OVCH1: variants seen among roughly 807,000 people sequenced by gnomAD.
OVCH1 encodes ovochymase 1.
Under a neutral mutation model 138.4 loss-of-function variants are expected in OVCH1, and 139 were observed. The ratio of observed to expected loss-of-function variants is 1.00; its 90% CI spans 0.87 to 1.16. The LOEUF is 1.16. Ranked by LOEUF, OVCH1 falls within the 50% of genes most tolerant of loss-of-function variation. OVCH1 has a pLI of 0.00. For missense variants in OVCH1, 1,367 were observed against 1,357.9 expected (o/e 1.01, Z -0.11); for synonymous variants, 453 against 467.8 (o/e 0.97, Z 0.41).
chr12:29,487,791 C>T, exon 7 of OVCH1: 1 of 1,606,390 alleles, frequency 6.2e-7, no homozygotes, highest in South Asian at 1.1e-5. Context: ...GGGAACTGAA[C>T]CTCCAGCACA....
intron 3 of OVCH1, among the ~76,000 whole-genome samples, chr12:29,421,481 A>G (rs1379679452): frequency 6.6e-6 from 1 of 152,174 alleles, no homozygotes; most frequent in African/African-American, 2.4e-5. Context: ...TAAAATATTA[A>G]TATATGCATC....
intron 4 of OVCH1, among the ~76,000 whole-genome samples, chr12:29,494,852 G>A (rs1206197965): frequency 2.0e-5 from 3 of 152,190 alleles, no homozygotes; most frequent in African/African-American, 4.8e-5. Context: ...GTTGATTAAC[G>A]GATACAAATA....
At chr12:29,476,117 T>C (rs1942701805) in intron 13 of OVCH1, 89 bp downstream of exon 13, 1 of 1,017,442 alleles carries the variant, frequency 9.8e-7, no homozygotes, top group Non-Finnish European at 1.6e-6. Flanking sequence ...ATTCCCACTC[T>C]ACGTTCTGGT....
Position 29,465,033 on chromosome 12 carries a change from G to A in OVCH1, c.1929+114C>T, listed in dbSNP as rs902111271. The A allele has an allele frequency of 1.2e-5, 11 of 888,666 alleles. No homozygotes were observed. In the African/African-American group the frequency reaches 1.9e-4, roughly 15 times the overall value. 55.0% of individuals were successfully genotyped at this position (888,666 alleles called of 1,614,324 possible). A position where few individuals can be genotyped will look rare whatever the true frequency, so the allele number is the denominator to read the frequency against. On this transcript the variant is annotated intron_variant, in intron 17 of 27. Coordinates refer to ENST00000318184, the Ensembl canonical transcript of OVCH1. Reference sequence around the variant, plus strand: ...TTAAATGTGGGTATAAATAATAAGTGTGAAAGGGCCCTAGGAGATTAATAA... The same window carrying A: ...TTAAATGTGGGTATAAATAATAAGTATGAAAGGGCCCTAGGAGATTAATAA...
chr12:29,447,361 TG>T (rs1443273405), intron 22 of OVCH1, among the ~76,000 whole-genome samples: 1 of 152,064 alleles, frequency 6.6e-6, no homozygotes, highest in East Asian at 1.9e-4. Context: ...AAAGGAAAAT[TG>T]CCTATTAAAT....
At chr12:29,440,544 A>G in intron 25 of OVCH1, 1 of 321,852 alleles carries the variant, frequency 3.1e-6, no homozygotes. Flanking sequence ...GTTTCTTAGT[A>G]TTGATTAACA....
chr12:29,470,681 G>T (rs1422264252), intron 16 of OVCH1, among the ~76,000 whole-genome samples: 1 of 152,242 alleles, frequency 6.6e-6, no homozygotes, highest in South Asian at 2.1e-4. Flanking sequence ...ATAAACATAT[G>T]TGTGCATGTG....
intron 3 of OVCH1, among the ~76,000 whole-genome samples, chr12:29,421,981 T>C (rs1247703781): frequency 6.6e-6 from 1 of 152,160 alleles, no homozygotes; most frequent in African/African-American, 2.4e-5. Context: ...ACATCAATTC[T>C]CTTCTCCTTT....
In OVCH1 at chr12:29,490,916, T is replaced by C. The variant is rs146196709; in HGVS notation, c.550+181A>G. 1.8e-3 allele frequency among the ~76,000 whole-genome samples: 267 copies of C among 152,350 alleles called. 1 individual carries two copies. Among genetic ancestry groups the C allele is most frequent in the Middle Eastern group, 6.8e-3 (2 of 294 alleles). Reference sequence around the variant, plus strand: ...CAAATTGGCAGCAGCAGGAGTGATATGAATAGCCTTTTTAAAAGTATAAGC... The same window carrying C: ...CAAATTGGCAGCAGCAGGAGTGATACGAATAGCCTTTTTAAAAGTATAAGC... On this transcript the variant is annotated intron_variant, in intron 5 of 27. Transcript: ENST00000318184.
intron 13 of OVCH1, 120 bp from the exon 14 acceptor site, chr12:29,475,309 A>T: frequency 1.4e-6 from 1 of 714,626 alleles, no homozygotes; most frequent in South Asian, 2.3e-5. Context: ...TTTGATTTGT[A>T]TGCACCCTTA....
intron 19 of OVCH1, among the ~76,000 whole-genome samples, chr12:29,456,432 A>C (rs1294589760): frequency 6.6e-6 from 1 of 152,234 alleles, no homozygotes; most frequent in Non-Finnish European, 1.5e-5. Flanking sequence ...AAAGGCAAAA[A>C]TACTACCCAC....
At chr12:29,487,394 G>T in intron 7 of OVCH1, 2 of 240,870 alleles carry the variant, frequency 8.3e-6, no homozygotes, top group Non-Finnish European at 1.6e-5. Context: ...GAAAAATCAT[G>T]CCAACTGAAA....
the OVCH1 span, among the ~76,000 whole-genome samples, chr12:29,405,021 CAAAAA>C: frequency 2.5e-3 from 204 of 80,304 alleles, 1 homozygote; most frequent in African/African-American, 0.012. Flanking sequence ...CACTCCACCT[CAAAAA>C]AAAAAAAAAA....
intron 12 of OVCH1, 107 bp downstream of exon 12, chr12:29,476,995 A>T: frequency 1.5e-6 from 2 of 1,298,640 alleles, no homozygotes; most frequent in Non-Finnish European, 2.0e-6. Flanking sequence ...AATGGCTAAA[A>T]GAAGCTCCTA....
At chr12:29,411,739 G>T (rs1394428953), downstream of OVCH1, among the ~76,000 whole-genome samples, 1 of 151,668 alleles carries the variant, frequency 6.6e-6, no homozygotes, top group Non-Finnish European at 1.5e-5. Context: ...TAGTTAGGCT[G>T]CTCAGGGGTC....
intron 25 of OVCH1, chr12:29,439,511 C>T (rs533742751): frequency 2.2e-6 from 3 of 1,357,272 alleles, no homozygotes; most frequent in Non-Finnish European, 2.8e-6. Context: ...AACTTCTCTA[C>T]ACCAACTAAA....
intron 8 of OVCH1, among the ~76,000 whole-genome samples, chr12:29,483,160 T>G (rs1942987895): frequency 6.6e-6 from 1 of 152,192 alleles, no homozygotes; most frequent in African/African-American, 2.4e-5. Flanking sequence ...CTCAAAACAT[T>G]GTTCTGAATT....
rs1943346736 is a variant in OVCH1, at chr12:29,494,075, A to C, written c.454+1210T>G. Reference sequence around the variant, plus strand: ...AGTGAGGCCTGGCTCATGATTACAGATTCTTCTGAGAACCCTCTGTCCAGA... The same window carrying C: ...AGTGAGGCCTGGCTCATGATTACAGCTTCTTCTGAGAACCCTCTGTCCAGA... On this transcript the variant is annotated intron_variant, in intron 4 of 27. Coordinates refer to ENST00000318184, the Ensembl canonical transcript of OVCH1. Among the ~76,000 whole-genome samples the C allele has an allele frequency of 2.6e-5, 4 of 152,184 alleles. No homozygotes were observed. The South Asian group carries it at 8.3e-4, about 31-fold the overall frequency.
chr12:29,471,858 A>G, exon 16 of OVCH1: 1 of 1,613,166 alleles, frequency 6.2e-7, no homozygotes, highest in East Asian at 2.2e-5. Context: ...TGGCACCTCC[A>G]CATTGGTAAT....
Sources: allele counts gnomAD v4.1 joint callset (sites outside exome capture counted in the v4.1 genomes callset), GRCh38; gene constraint gnomAD v4.1.1; transcripts MANE v1.5; gene names NCBI Gene and HGNC (gene_info 2026-07-23, HGNC 2026-07-21).